Variants in PPARGC1A observed in about 807,000 individuals in gnomAD.
The protein encoded by PPARGC1A is peroxisome proliferator-activated receptor gamma coactivator 1-alpha.
Under a neutral mutation model 88.7 loss-of-function variants are expected in PPARGC1A, and 25 were observed. The ratio of observed to expected loss-of-function variants is 0.28; its 90% confidence interval spans 0.21 to 0.39. The LOEUF is 0.39. Among genes scored for constraint, PPARGC1A ranks in the 10% least tolerant of loss-of-function variants. The pLI is 1.00. For synonymous variants in PPARGC1A, 363 were observed against 355.6 expected (o/e 1.02, Z -0.24); for missense variants, 880 against 968.7 (o/e 0.91, Z 1.22).
the PPARGC1A span, among the ~76,000 whole-genome samples, chr4:24,114,506 G>A: frequency 6.6e-6 from 1 of 152,194 alleles, no homozygotes; most frequent in Non-Finnish European, 1.5e-5. Context: ...TAAGTGAGTG[G>A]TGGCAGCTCC....
chr4:24,202,553 C>T, the PPARGC1A span, among the ~76,000 whole-genome samples: 1 of 152,290 alleles, frequency 6.6e-6, no homozygotes, highest in African/African-American at 2.4e-5. Context: ...ATAGTGGACA[C>T]ATTAATAAAT....
the PPARGC1A span, among the ~76,000 whole-genome samples, chr4:24,092,662 C>A: frequency 6.6e-6 from 1 of 152,194 alleles, no homozygotes; most frequent in Non-Finnish European, 1.5e-5. Flanking sequence ...CTTCTCCCTG[C>A]AACTTCTACC....
At chr4:24,048,594 C>A in the PPARGC1A span, among the ~76,000 whole-genome samples, 4 of 152,250 alleles carry the variant, frequency 2.6e-5, no homozygotes, top group African/African-American at 7.2e-5. Context: ...AGGCTTCAGA[C>A]AGGATTCAAG....
At chr4:24,176,335 T>C in the PPARGC1A span, among the ~76,000 whole-genome samples, 1 of 152,184 alleles carries the variant, frequency 6.6e-6, no homozygotes, top group Non-Finnish European at 1.5e-5. Context: ...ATATCTCAAC[T>C]GATTTATTAC....
chr4:24,402,865 C>T, the PPARGC1A span, among the ~76,000 whole-genome samples: 71,958 of 152,008 alleles, frequency 0.47, 17,410 homozygotes, highest in East Asian at 0.65. Flanking sequence ...CTAGATTGTA[C>T]GCCCTACTTG....
chr4:24,013,116 GT>G, the PPARGC1A span, among the ~76,000 whole-genome samples: 2 of 152,108 alleles, frequency 1.3e-5, no homozygotes, highest in Non-Finnish European at 2.9e-5. Flanking sequence ...GGGCAAAATG[GT>G]TAGATGCTGT....
the PPARGC1A span, among the ~76,000 whole-genome samples, chr4:23,916,619 A>C: frequency 6.6e-6 from 1 of 152,150 alleles, no homozygotes; most frequent in African/African-American, 2.4e-5. Flanking sequence ...TGAGTAAATA[A>C]AGATCTATAT....
chr4:24,303,821 C>G, the PPARGC1A span, among the ~76,000 whole-genome samples: 5 of 152,186 alleles, frequency 3.3e-5, no homozygotes, highest in African/African-American at 4.8e-5. Flanking sequence ...CTGTTCGTTT[C>G]TGGTGCCTTT....
chr4:24,213,062 C>T, the PPARGC1A span, among the ~76,000 whole-genome samples: 1 of 151,972 alleles, frequency 6.6e-6, no homozygotes, highest in Non-Finnish European at 1.5e-5. Flanking sequence ...TGGCAGTTGC[C>T]AAAGAGTCTT....
At chr4:24,102,307 G>A in the PPARGC1A span, among the ~76,000 whole-genome samples, 3 of 152,012 alleles carry the variant, frequency 2.0e-5, no homozygotes, top group African/African-American at 4.8e-5. Flanking sequence ...TTTTTTTCAG[G>A]CTCATTTCCA....
chr4:24,206,555 G>T, the PPARGC1A span, among the ~76,000 whole-genome samples: 1 of 152,120 alleles, frequency 6.6e-6, no homozygotes, highest in African/African-American at 2.4e-5. Context: ...GAGGCCAGGG[G>T]GCATGGTGGC....
the PPARGC1A span, among the ~76,000 whole-genome samples, chr4:24,197,586 G>T: frequency 6.6e-6 from 1 of 152,152 alleles, no homozygotes; most frequent in Non-Finnish European, 1.5e-5. Flanking sequence ...GACTTAAAGA[G>T]GAAGGGAAAT....
At chr4:23,978,430 A>C in the PPARGC1A span, among the ~76,000 whole-genome samples, 1 of 152,224 alleles carries the variant, frequency 6.6e-6, no homozygotes, top group Non-Finnish European at 1.5e-5. Context: ...TATACACTTT[A>C]GGTGGTTTGG....
chr4:24,036,795 C>T, the PPARGC1A span, among the ~76,000 whole-genome samples: 1 of 152,170 alleles, frequency 6.6e-6, no homozygotes, highest in Non-Finnish European at 1.5e-5. Context: ...ATTATGTACA[C>T]ATGCAAATAT....
the PPARGC1A span, among the ~76,000 whole-genome samples, chr4:24,379,372 G>A: frequency 6.6e-6 from 1 of 152,242 alleles, no homozygotes; most frequent in East Asian, 1.9e-4. Flanking sequence ...TTGGATAGCA[G>A]AGTAGGGTGA....
the PPARGC1A span, among the ~76,000 whole-genome samples, chr4:24,391,386 C>T: frequency 6.6e-6 from 1 of 152,262 alleles, no homozygotes; most frequent in African/African-American, 2.4e-5. Context: ...TACTTAGCAC[C>T]AGTTACTCTG....
the PPARGC1A span, among the ~76,000 whole-genome samples, chr4:24,176,430 C>T: frequency 6.6e-6 from 1 of 151,826 alleles, no homozygotes; most frequent in African/African-American, 2.4e-5. Flanking sequence ...AATGGAGGGG[C>T]GTGACACAAG....
At chr4:24,399,261 G>A in the PPARGC1A span, among the ~76,000 whole-genome samples, 2 of 152,260 alleles carry the variant, frequency 1.3e-5, no homozygotes, top group East Asian at 1.9e-4. Context: ...ATTTTATCTA[G>A]CATTCTTAGG....
At chr4:24,416,579 G>A in the PPARGC1A span, among the ~76,000 whole-genome samples, 2 of 152,280 alleles carry the variant, frequency 1.3e-5, no homozygotes, top group South Asian at 4.1e-4. Context: ...GACTCTGGCT[G>A]TGGAAATGAG....
Sources: allele counts gnomAD v4.1 joint callset (sites outside exome capture counted in the v4.1 genomes callset), GRCh38; gene constraint gnomAD v4.1.1; transcripts MANE v1.5; gene names NCBI Gene and HGNC (gene_info 2026-07-23, HGNC 2026-07-21).